Variants in TDRD10 observed in about 807,000 individuals in gnomAD.
The protein encoded by TDRD10 is tudor domain-containing protein 10.
TDRD10 carries 40 observed loss-of-function variants against 48.0 expected under a neutral mutation model. The ratio of observed to expected loss-of-function variants is 0.83; its 90% confidence interval spans 0.65 to 1.09. The LOEUF (loss-of-function observed/expected upper bound fraction) is 1.09, where lower values mean the gene tolerates loss of function less well. Among genes scored for constraint, TDRD10 ranks in the 50% least tolerant of loss-of-function variants. The pLI, the probability that TDRD10 is intolerant of heterozygous loss-of-function variation, is 0.00. For missense variants in TDRD10, 378 were observed against 434.7 expected, an observed-to-expected ratio of 0.87 and a Z score of 1.16; for synonymous variants, 162 against 170.4, an observed-to-expected ratio of 0.95 and a Z score of 0.38.
chr1:154,503,194 A>C (rs184954305), intron 1 of TDRD10, among the ~76,000 whole-genome samples, 165 bp downstream of exon 1: 40 of 152,018 alleles, frequency 2.6e-4, no homozygotes, highest in African/African-American at 9.4e-4. Flanking sequence ...CGGCCCTCCT[A>C]GTCTGGATTT....
chr1:154,544,031 G>A lies in TDRD10; in HGVS notation c.572G>A (p.Ser191Asn). ...CTGAGCTGGCTGGCACTCATCCATA[G>A]CGTCCGTGGGGAGGCGGGGCTGCTG... ...RDLSWLALIH[S>N]VRGEAGLLVT... Residue 191 changes from serine to asparagine, a missense_variant, in exon 9 of 13, where the codon AGC (serine) becomes AAC (asparagine). Ser to Asn is a conservative substitution (Grantham distance 46). Around this residue, in one of 2 missense-constraint regions of TDRD10, gnomAD observed 310 missense variants for 323.6 expected, o/e 0.96. Transcript: ENST00000368482. 2 of 1,614,192 alleles carry A rather than the reference G, an allele frequency of 1.2e-6. No individual in the cohort carries two copies. The highest frequency in any genetic ancestry group is 1.7e-6 in the Non-Finnish European group (2 of 1,180,034).
rs115924049 is a variant in TDRD10 at position 154,546,953 on chromosome 1, G to A, written c.953-456G>A. On this transcript the variant is annotated intron_variant, in intron 11 of 12. Transcript: ENST00000368482. ...GGACTCTGGTGGGATGGTGGGAGTT[G>A]CGTGAGGGACGACATCCTGGGGAAA... Among the ~76,000 whole-genome samples the A allele has an allele frequency of 2.8e-3, 430 of 152,208 alleles. 2 individuals are homozygous for A. Among genetic ancestry groups the A allele is most frequent in the Non-Finnish European group, 4.7e-3 (323 of 68,004 alleles).
At chr1:154,519,610 G>T (rs1281801048) in intron 4 of TDRD10, among the ~76,000 whole-genome samples, 1 of 152,186 alleles carries the variant, frequency 6.6e-6, no homozygotes. Context: ...CCTAGCGCAG[G>T]CAGTCAGGAG....
At chr1:154,529,307 C>G (rs1008669478) in intron 6 of TDRD10, among the ~76,000 whole-genome samples, 1 of 152,160 alleles carries the variant, frequency 6.6e-6, no homozygotes, top group African/African-American at 2.4e-5. Context: ...CTCCTGACCT[C>G]AGGTGATCCA....
intron 3 of TDRD10, among the ~76,000 whole-genome samples, chr1:154,507,552 G>A (rs558582695): frequency 8.1e-4 from 123 of 152,110 alleles, no homozygotes; most frequent in Non-Finnish European, 1.4e-3. Flanking sequence ...TCCTAACCCC[G>A]TGCTTCTGTT....
intron 6 of TDRD10, among the ~76,000 whole-genome samples, chr1:154,524,872 C>T (rs918435843): frequency 2.0e-5 from 3 of 152,184 alleles, no homozygotes; most frequent in Non-Finnish European, 2.9e-5. Flanking sequence ...TCCCACACCA[C>T]GGACAGCTTA....
In TDRD10 at chr1:154,543,979, C is replaced by T. The variant is rs200051309; in HGVS notation, c.520C>T (p.Leu174=). Residue 174 remains leucine, a synonymous_variant, in exon 9 of 13, where the codon CTG becomes TTG. Coordinates refer to ENST00000368482, the MANE Select transcript of TDRD10 (RefSeq NM_182499.4). ...PLEMRGSFLV[L]LLRECFRDLS... is the part of the protein sequence containing the mutation. Reference sequence around the variant, plus strand: ...TTCCCGCAGAGGGTCCTTCCTGGTGCTGCTCCTGAGGGAATGCTTCCGAGA... The same window carrying T: ...TTCCCGCAGAGGGTCCTTCCTGGTGTTGCTCCTGAGGGAATGCTTCCGAGA... 1.9e-6 allele frequency: 3 copies of T among 1,613,914 alleles called. No individual in the cohort carries two copies. Among genetic ancestry groups the T allele is most frequent in the Non-Finnish European group, 1.7e-6 (2 of 1,179,918 alleles).
At chr1:154,507,449 C>A in intron 3 of TDRD10, 129 bp downstream of exon 3, 1 of 1,105,402 alleles carries the variant, frequency 9.0e-7, no homozygotes, top group Non-Finnish European at 1.3e-6. Flanking sequence ...TTCTGCTCTT[C>A]CTCCAGTCAG....
chr1:154,519,555 ATGTCTG>A (rs1250531140), intron 4 of TDRD10, among the ~76,000 whole-genome samples: 2 of 152,192 alleles, frequency 1.3e-5, no homozygotes, highest in African/African-American at 2.4e-5. Flanking sequence ...CAGCGAGTGC[ATGTCTG>A]TGACCTGCAA....
intron 3 of TDRD10, among the ~76,000 whole-genome samples, 198 bp downstream of exon 3, chr1:154,507,518 C>G (rs934620395): frequency 1.3e-5 from 2 of 149,898 alleles, no homozygotes; most frequent in Admixed American, 6.6e-5. Flanking sequence ...GATGCAGACC[C>G]TTACTCCCTG....
chr1:154,523,363 G>A (rs1449562950), intron 6 of TDRD10, among the ~76,000 whole-genome samples: 2 of 152,218 alleles, frequency 1.3e-5, no homozygotes, highest in Non-Finnish European at 2.9e-5. Context: ...TGGAAGAATG[G>A]TTCTCAAGCT....
intron 4 of TDRD10, among the ~76,000 whole-genome samples, chr1:154,512,014 AGT>A (rs1693508124): frequency 6.9e-6 from 1 of 144,914 alleles, no homozygotes; most frequent in African/African-American, 2.4e-5. Context: ...TGGGTGACAG[AGT>A]GAAACTGTGT....
intron 4 of TDRD10, among the ~76,000 whole-genome samples, chr1:154,510,678 C>T (rs1368937396): frequency 6.6e-6 from 1 of 152,120 alleles, no homozygotes; most frequent in East Asian, 1.9e-4. Context: ...CAGCAGTTTC[C>T]AGGTTTCTGG....
chr1:154,523,060 T>G (rs529099614), intron 6 of TDRD10, among the ~76,000 whole-genome samples: 1 of 152,160 alleles, frequency 6.6e-6, no homozygotes, highest in Non-Finnish European at 1.5e-5. Flanking sequence ...TGAACCACCA[T>G]GCCTGGCTAA....
intron 8 of TDRD10, 137 bp from the exon 9 acceptor site, chr1:154,543,826 G>C (rs1271955543): frequency 6.0e-6 from 8 of 1,324,490 alleles, no homozygotes; most frequent in Non-Finnish European, 8.3e-6. Context: ...CCTAGAGGGG[G>C]TGGGCACAGC....
At chr1:154,534,020 C>A (rs1266505875) in intron 6 of TDRD10, among the ~76,000 whole-genome samples, 1 of 151,512 alleles carries the variant, frequency 6.6e-6, no homozygotes, top group African/African-American at 2.4e-5. Flanking sequence ...AGGCGTGAGA[C>A]CCCCCAGCCG....
At chr1:154,515,120 A>G (rs1186951110) in intron 4 of TDRD10, among the ~76,000 whole-genome samples, 1 of 151,984 alleles carries the variant, frequency 6.6e-6, no homozygotes, top group Admixed American at 6.6e-5. Flanking sequence ...CACCCACCTC[A>G]GCTTCCCAGA....
intron 6 of TDRD10, among the ~76,000 whole-genome samples, chr1:154,526,778 T>C (rs1471567322): frequency 2.7e-5 from 4 of 150,786 alleles, no homozygotes; most frequent in Admixed American, 6.6e-5. Flanking sequence ...TTGGTATGGA[T>C]GGGGTTTCAC....
chr1:154,532,977 C>G (rs895118433), intron 6 of TDRD10, among the ~76,000 whole-genome samples: 24 of 152,190 alleles, frequency 1.6e-4, no homozygotes, highest in Non-Finnish European at 2.4e-4. Context: ...GACACCCCCC[C>G]CAGTAGGGAG....
Sources: allele counts gnomAD v4.1 joint callset (sites outside exome capture counted in the v4.1 genomes callset), GRCh38; gene constraint gnomAD v4.1.1; regional missense constraint gnomAD v4.1.1; transcripts MANE v1.5; gene names NCBI Gene and HGNC (gene_info 2026-07-23, HGNC 2026-07-21).